The following EYS variants were observed in gnomAD, a reference collection of about 807,000 sequenced individuals.
EYS encodes the protein EGF-like photoreceptor maintenance factor.
EYS carries 250 observed loss-of-function variants against 282.1 expected under a neutral mutation model. The ratio of observed to expected loss-of-function variants is 0.89; its 90% CI spans 0.80 to 0.98. The LOEUF is 0.98. Among genes scored for constraint, EYS ranks in the 50% least tolerant of loss-of-function variants. The probability of loss-of-function intolerance (pLI) is 0.00; values close to 1 mark genes in which losing one functional copy is unlikely to be tolerated. For synonymous variants in EYS, 1,355 were observed against 1,282.9 expected (o/e 1.06, Z -1.20); for missense variants, 4,016 against 3,709.0 (o/e 1.08, Z -2.15).
At chr6:65,034,732 T>C (rs867885004) in intron 13 of EYS, among the ~76,000 whole-genome samples, 1 of 152,126 alleles carries the variant, frequency 6.6e-6, no homozygotes, top group South Asian at 2.1e-4. Flanking sequence ...ACTTTTCTTC[T>C]TTATAAATTA....
At chr6:64,139,630 G>C (rs578178610) in intron 31 of EYS, among the ~76,000 whole-genome samples, 38 of 152,126 alleles carry the variant, frequency 2.5e-4, no homozygotes, top group South Asian at 1.7e-3. Context: ...GAAGAGTTGA[G>C]CAGAGATGGC....
At chr6:64,496,155 G>A (rs1017112319) in intron 26 of EYS, among the ~76,000 whole-genome samples, 8 of 151,620 alleles carry the variant, frequency 5.3e-5, no homozygotes, top group African/African-American at 1.9e-4. Flanking sequence ...TAAATAAAGA[G>A]GAAATTTCTG....
intron 12 of EYS, among the ~76,000 whole-genome samples, chr6:65,100,951 T>C (rs922076322): frequency 1.3e-5 from 2 of 151,074 alleles, no homozygotes; most frequent in African/African-American, 4.8e-5. Context: ...TATTCAAAGA[T>C]GAAATGAGAT....
At position 64,592,050 on chromosome 6, in the gene EYS, C is replaced by T. The variant is rs567286960; in HGVS notation, c.3878-61G>A. 1.7e-5 allele frequency: 21 copies of T among 1,264,780 alleles called. 1 individual carries two copies. The highest frequency in any genetic ancestry group is 2.2e-5 in the Non-Finnish European group (21 of 946,578). The allele number at this position is 1,264,780 out of a possible 1,614,324, so 78.3% of individuals were successfully genotyped here. A position where few individuals can be genotyped will look rare whatever the true frequency, so the allele number is the denominator to read the frequency against. On this transcript the variant is annotated intron_variant, in intron 25 of 42. Coordinates refer to ENST00000503581, the MANE Select transcript of EYS (RefSeq NM_001142800.2). ...ATGAATCAGAAACGAACCACTTTGG[C>T]ACTGGGATAAATCTCAGGCAAATTG...
At chr6:65,180,428 C>A (rs1199698625) in intron 12 of EYS, among the ~76,000 whole-genome samples, 1 of 151,830 alleles carries the variant, frequency 6.6e-6, no homozygotes, top group East Asian at 1.9e-4. Flanking sequence ...AAACAGAGAG[C>A]CAAATCATGA....
chr6:64,619,027 T>C (rs1380715354), intron 23 of EYS, among the ~76,000 whole-genome samples: 1 of 152,140 alleles, frequency 6.6e-6, no homozygotes, highest in Non-Finnish European at 1.5e-5. Context: ...ACATATATAA[T>C]AAAACTCTAA....
At chr6:65,521,294 T>A (rs1462683352) in intron 2 of EYS, among the ~76,000 whole-genome samples, 1 of 151,996 alleles carries the variant, frequency 6.6e-6, no homozygotes, top group Admixed American at 6.6e-5. Flanking sequence ...GGGGAAGAAA[T>A]CTTGGTGTGT....
chr6:65,015,933 T>A (rs1003047275), intron 13 of EYS, among the ~76,000 whole-genome samples: 1 of 144,418 alleles, frequency 6.9e-6, no homozygotes, highest in Middle Eastern at 3.4e-3. Context: ...TAGTCCCAGC[T>A]ACTCAGGAGG....
At chr6:64,087,445 T>A (rs1290897276) in intron 31 of EYS, among the ~76,000 whole-genome samples, 1 of 152,072 alleles carries the variant, frequency 6.6e-6, no homozygotes, top group Non-Finnish European at 1.5e-5. Flanking sequence ...ACATTTGTTG[T>A]CACCAGGAGC....
intron 12 of EYS, among the ~76,000 whole-genome samples, chr6:65,144,481 G>A (rs886578020): frequency 6.6e-6 from 1 of 152,046 alleles, no homozygotes; most frequent in Non-Finnish European, 1.5e-5. Context: ...AAACGAATTT[G>A]GTTAAACCAG....
chr6:63,770,975 C>T (rs1769913994), intron 40 of EYS, among the ~76,000 whole-genome samples: 1 of 152,120 alleles, frequency 6.6e-6, no homozygotes, highest in Non-Finnish European at 1.5e-5. Context: ...GGTGATACCT[C>T]ACAGAGTGTA....
rs1383322189 is a variant in EYS, at chr6:64,033,842, C to A, written c.6725+32496G>T. Among the ~76,000 whole-genome samples the A allele has an allele frequency of 9.1e-3, 1,353 of 147,894 alleles. 16 individuals are homozygous for A. The highest frequency in any genetic ancestry group is 0.031 in the East Asian group (158 of 5,108). ...AAATGAGATTACTCTCTCTCTCTCT[C>A]TCTCTATATATATATATATAAAATT... On this transcript the variant is annotated intron_variant, in intron 33 of 42. Transcript: ENST00000503581.
chr6:63,803,420 G>A (rs1431205950), intron 37 of EYS, among the ~76,000 whole-genome samples: 1 of 152,100 alleles, frequency 6.6e-6, no homozygotes, highest in Non-Finnish European at 1.5e-5. Flanking sequence ...GTGATACAGT[G>A]ATAAATCACC....
chr6:64,068,909 G>A (rs969232955), intron 32 of EYS, among the ~76,000 whole-genome samples: 1 of 151,876 alleles, frequency 6.6e-6, no homozygotes, highest in Admixed American at 6.6e-5. Flanking sequence ...AGCTTGAAAT[G>A]GAGAGATTAT....
chr6:64,292,059 G>A (rs1768735087), intron 30 of EYS, among the ~76,000 whole-genome samples: 1 of 152,074 alleles, frequency 6.6e-6, no homozygotes, highest in African/African-American at 2.4e-5. Context: ...GAGAGGTTAA[G>A]TAATTTTCCT....
intron 19 of EYS, among the ~76,000 whole-genome samples, chr6:64,830,993 T>C (rs1765196223): frequency 6.6e-6 from 1 of 152,016 alleles, no homozygotes; most frequent in Non-Finnish European, 1.5e-5. Flanking sequence ...GGGTCAACTA[T>C]GAAGGGGCCA....
At chr6:64,327,640 T>A (rs615210) in intron 29 of EYS, among the ~76,000 whole-genome samples, 105,036 of 151,930 alleles carry the variant, frequency 0.69, 36,298 homozygotes, top group South Asian at 0.71. Context: ...GCAGGCCTGC[T>A]TTGAGACCTA....
intron 12 of EYS, among the ~76,000 whole-genome samples, chr6:65,191,522 A>C (rs1359075016): frequency 3.9e-5 from 6 of 151,940 alleles, no homozygotes; most frequent in Middle Eastern, 3.4e-3. Context: ...ATAGGAACAA[A>C]TTATGTTCTT....
chr6:65,189,044 T>C (rs1765579047), intron 12 of EYS, among the ~76,000 whole-genome samples: 1 of 151,650 alleles, frequency 6.6e-6, no homozygotes, highest in South Asian at 2.1e-4. Flanking sequence ...ACCTCTATCT[T>C]AATTATATAG....
Sources: gnomAD v4.1 joint callset for allele counts (sites outside exome capture counted in the v4.1 genomes callset) on GRCh38, gnomAD v4.1.1 for gene constraint, MANE v1.5 for transcripts, NCBI Gene and HGNC (gene_info 2026-07-23, HGNC 2026-07-21) for gene names.